SLC36A3: variants seen among roughly 807,000 people sequenced by gnomAD.
The protein encoded by SLC36A3 is proton-coupled amino acid transporter 3.
Under a neutral mutation model 44.3 loss-of-function variants are expected in SLC36A3, and 35 were observed. The observed-to-expected ratio is 0.79, with a 90% CI of 0.60 to 1.05. The LOEUF is 1.05. Ranked by LOEUF, SLC36A3 falls within the 50% of genes least tolerant of loss-of-function variation. The pLI is 0.00. For missense variants in SLC36A3, 540 were observed against 578.7 expected (o/e 0.93, Z 0.69); for synonymous variants, 211 against 227.6 (o/e 0.93, Z 0.66).
chr5:151,290,176 A>G (rs183944870), intron 4 of SLC36A3, among the ~76,000 whole-genome samples: 3 of 152,182 alleles, frequency 2.0e-5, no homozygotes, highest in Admixed American at 2.0e-4. Flanking sequence ...TTGGAGATGC[A>G]TTTTTCTAAA....
intron 2 of SLC36A3, 64 bp from the exon 3 acceptor site, chr5:151,296,332 TCA>T (rs777242766): frequency 1.4e-6 from 2 of 1,415,730 alleles, no homozygotes; most frequent in Non-Finnish European, 2.0e-6. Flanking sequence ...CCTGGCCCTC[TCA>T]CAGTCTGCGT....
At chr5:151,291,281 C>T (rs1290810053) in intron 4 of SLC36A3, among the ~76,000 whole-genome samples, 1 of 152,176 alleles carries the variant, frequency 6.6e-6, no homozygotes, top group East Asian at 1.9e-4. Context: ...TGTGCTTGGC[C>T]AATAATTTCT....
At chr5:151,296,606 T>C (rs1754969501) in intron 2 of SLC36A3, 1 of 319,274 alleles carries the variant, frequency 3.1e-6, no homozygotes, top group Admixed American at 4.6e-5. Flanking sequence ...TGGCCCTCAC[T>C]TCCTCCAAGA....
intron 4 of SLC36A3, among the ~76,000 whole-genome samples, chr5:151,289,938 T>C (rs1246314461): frequency 3.3e-5 from 5 of 152,240 alleles, no homozygotes; most frequent in Non-Finnish European, 5.9e-5. Flanking sequence ...CCAATGGTTT[T>C]ACCACTCACT....
intron 2 of SLC36A3, chr5:151,296,624 G>A (rs1754970295): frequency 3.5e-6 from 1 of 287,680 alleles, no homozygotes; most frequent in South Asian, 4.8e-5. Flanking sequence ...AGATGATTGA[G>A]GGCCAAGGTG....
chr5:151,303,349 T>G lies in SLC36A3; in HGVS notation c.6A>C (p.Ser2=). Residue 2 remains serine, a synonymous_variant, in exon 1 of 10, where the codon TCA becomes TCC. Coordinates refer to ENST00000335230, the MANE Select transcript of SLC36A3 (RefSeq NM_181774.4). M[S]LLGRDYNSEL... is the part of the protein sequence containing the mutation. ...CACTGTTGTAGTCCCTTCCAAGCAA[T>G]GACATCTTCAACACGGTGGGTAGGT... The G allele has an allele frequency of 3.7e-6, 6 of 1,613,154 alleles. No homozygotes were observed. Among genetic ancestry groups the G allele is most frequent in the Non-Finnish European group, 5.1e-6 (6 of 1,179,348 alleles).
In SLC36A3 at chr5:151,277,429, G is replaced by A; in HGVS notation, c.1377C>T (p.Ser459=). 1.2e-6 allele frequency: 2 copies of A among 1,614,190 alleles called. No homozygotes were observed. Among genetic ancestry groups the A allele is most frequent in the East Asian group, 4.5e-5 (2 of 44,884 alleles). ...QALYELPQPI[S]HSMANSTGVH... ...CACCTGTGGAGTTGGCCATGGAATG[G>A]CTGATGGGTTGGGGCAACTCATAGA... is the stretch of plus-strand genomic sequence containing the variant. Residue 459 remains serine (S), a synonymous_variant, in exon 10 of 10, where the codon AGC becomes AGT. Coordinates refer to ENST00000335230, the MANE Select transcript of SLC36A3 (RefSeq NM_181774.4).
Position 151,287,942 on chromosome 5 carries a change from C to T in SLC36A3, c.489+444G>A, listed in dbSNP as rs149532717. 2.4e-3 allele frequency among the ~76,000 whole-genome samples: 370 copies of T among 152,198 alleles called. 1 individual carries two copies. Among genetic ancestry groups the T allele is most frequent in the Non-Finnish European group, 3.1e-3 (208 of 68,018 alleles). The stretch of plus-strand genomic sequence containing the variant: ...ACAGTTCTTTCTGGCTGTTTGGGTG[C>T]GCAAAAACAAGGATGCTCCCTCTAA... On this transcript the variant is annotated intron_variant, in intron 5 of 9. Coordinates refer to ENST00000335230, the MANE Select transcript of SLC36A3 (RefSeq NM_181774.4).
At position 151,284,663 on chromosome 5, in the gene SLC36A3, A is replaced by T; in HGVS notation, c.757T>A (p.Phe253Ile). 1 of 1,613,686 alleles carries T rather than the reference A, an allele frequency of 6.2e-7. No individual in the cohort carries two copies. The highest frequency in any genetic ancestry group is 8.5e-7 in the Non-Finnish European group (1 of 1,179,700). The change falls in exon 7 of 10, where the codon TTC becomes ATC. Residue 253 changes from phenylalanine (F) to isoleucine (I), a missense_variant. Physicochemically the swap from Phe to Ile is conservative, Grantham distance 21 (BLOSUM62 0). Transcript: ENST00000335230. ...ATGGCTGTACCAAAGAACAGCAAGA[A>T]GGTCTTCCAGTTTGCCATCAAGGGT... ...NLPLMANWKT[F>I]LLFFGTAIFT...
In SLC36A3 at chr5:151,287,236, T is replaced by A; in HGVS notation, c.708+10A>T. 1 of 1,613,932 alleles carries A rather than the reference T, an allele frequency of 6.2e-7. No individual in the cohort carries two copies. The highest frequency in any genetic ancestry group is 8.5e-7 in the Non-Finnish European group (1 of 1,179,884). On this transcript the variant is annotated intron_variant, in intron 6 of 9. Transcript: ENST00000335230. ...CAGGACCCTGATCCTTTCTTCCCTA[T>A]GGCACAGACCTCCATGATATACTCA...
chr5:151,303,174 G>T lies in SLC36A3; in HGVS notation c.128+53C>A, dbSNP rs550119284. 10 of 1,573,166 alleles carry T rather than the reference G, an allele frequency of 6.4e-6. No individual in the cohort carries two copies. The South Asian group carries it at 9.5e-5, about 15-fold the overall frequency. ...ATGAAGGAAGACATAGTCCAGAGTT[G>T]CAAAAACAGCAGTGCTTGACCTCAG... On this transcript the variant is annotated intron_variant, in intron 1 of 9. Transcript: ENST00000335230.
rs1755222037 is a variant in SLC36A3, at chr5:151,303,141, G to A, written c.128+86C>T. 3 of 1,482,966 alleles carry A rather than the reference G, an allele frequency of 2.0e-6. No homozygotes were observed. In the Admixed American group the frequency reaches 6.1e-5, roughly 30 times the overall value. The allele number at this position is 1,482,966 out of a possible 1,614,324, so 91.9% of individuals were successfully genotyped here. A position where few individuals can be genotyped will look rare whatever the true frequency, so the allele number is the denominator to read the frequency against. ...CGTGTTAATGGAATAAGCGTGTTAA[G>A]GAGATAGATGAAGGAAGACATAGTC... On this transcript the variant is annotated intron_variant, in intron 1 of 9. Transcript: ENST00000335230.
chr5:151,286,499 T>C (rs148223437), intron 6 of SLC36A3, among the ~76,000 whole-genome samples: 1 of 152,298 alleles, frequency 6.6e-6, no homozygotes, highest in Non-Finnish European at 1.5e-5. Flanking sequence ...TGCTATGTTG[T>C]CCAGCTGGTC....
intron 1 of SLC36A3, among the ~76,000 whole-genome samples, chr5:151,300,349 T>A (rs1755128798): frequency 6.6e-6 from 1 of 152,250 alleles, no homozygotes. Flanking sequence ...TGGGGACTTC[T>A]GTGACTTCAG....
rs1754953087 is a variant in SLC36A3 at position 151,296,216 on chromosome 5, A to G, written c.272T>C (p.Val91Ala). 6.2e-7 allele frequency: 1 copy of G among 1,614,020 alleles called. No individual in the cohort carries two copies. The highest frequency in any genetic ancestry group is 1.7e-5 in the Admixed American group (1 of 59,998). ...GTGTTGAGCACAGTTCAACAGGATG[A>G]CCATGCAGTGCACGGTGAGGACCCC... ...AIGVLTVHCM[V>A]ILLNCAQHLS... The change falls in exon 3 of 10, where the codon GTC becomes GCC. Residue 91 changes from valine to alanine, a missense_variant. Transcript: ENST00000335230.
intron 4 of SLC36A3, among the ~76,000 whole-genome samples, chr5:151,290,263 C>G (rs1754707328): frequency 6.6e-6 from 1 of 152,020 alleles, no homozygotes; most frequent in Non-Finnish European, 1.5e-5. Flanking sequence ...TAGTATCAAC[C>G]AATTTGTTGG....
intron 9 of SLC36A3, 74 bp downstream of exon 9, chr5:151,280,940 A>G (rs919149501): frequency 7.6e-6 from 12 of 1,580,534 alleles, no homozygotes; most frequent in South Asian, 2.3e-5. Flanking sequence ...GGCAGATCCA[A>G]TGATGGTGGG....
chr5:151,291,685 T>C (rs1004631874), intron 4 of SLC36A3, among the ~76,000 whole-genome samples: 4 of 152,148 alleles, frequency 2.6e-5, no homozygotes, highest in African/African-American at 9.7e-5. Flanking sequence ...CTGTGGGCTA[T>C]TATGAGACAC....
At chr5:151,285,315 C>T (rs1359808754) in intron 6 of SLC36A3, among the ~76,000 whole-genome samples, 1 of 152,186 alleles carries the variant, frequency 6.6e-6, no homozygotes, top group African/African-American at 2.4e-5. Context: ...TGGATTATCC[C>T]ACCCTTTGGC....
Sources: gnomAD v4.1 joint callset for allele counts (sites outside exome capture counted in the v4.1 genomes callset) on GRCh38, gnomAD v4.1.1 for gene constraint, MANE v1.5 for transcripts, NCBI Gene and HGNC (gene_info 2026-07-23, HGNC 2026-07-21) for gene names.